The following TRIM71 variants were observed in gnomAD, a reference collection of about 807,000 sequenced individuals.
TRIM71 encodes the protein E3 ubiquitin-protein ligase TRIM71.
TRIM71 carries 9 observed loss-of-function variants against 61.2 expected under a neutral mutation model. That is an observed-to-expected ratio of 0.15 (90% CI 0.09 to 0.26). TRIM71 has a LOEUF of 0.26. Among genes scored for constraint, TRIM71 ranks in the 10% least tolerant of loss-of-function variants. The probability of loss-of-function intolerance (pLI) is 1.00; values close to 1 mark genes in which losing one functional copy is unlikely to be tolerated. For synonymous variants in TRIM71, 645 were observed against 553.2 expected (o/e 1.17, Z -2.33); for missense variants, 998 against 1,238.7 (o/e 0.81, Z 2.92).
chr3:32,833,840 T>A (rs1165267271), intron 1 of TRIM71, among the ~76,000 whole-genome samples: 1 of 152,132 alleles, frequency 6.6e-6, no homozygotes. Flanking sequence ...GCATGGGGGC[T>A]AATGGGAGCA....
chr3:32,836,456 T>C (rs934105846), intron 1 of TRIM71, among the ~76,000 whole-genome samples: 1 of 151,840 alleles, frequency 6.6e-6, no homozygotes, highest in African/African-American at 2.4e-5. Flanking sequence ...ACTAGTTGTG[T>C]GTTACAAAGG....
chr3:32,891,653 C>A lies in TRIM71; in HGVS notation c.2449C>A (p.Arg817=). 1.9e-6 allele frequency: 3 copies of A among 1,613,486 alleles called. No homozygotes were observed. Among genetic ancestry groups the A allele is most frequent in the Non-Finnish European group, 2.5e-6 (3 of 1,179,634 alleles). ...CATTGTGGCGGATTCCAGGAACCAT[C>A]GGGTACAGATGTTTGAATCCAACGG... ...RIIVADSRNH[R]VQMFESNGSF... The change falls in exon 4 of 4, where the codon CGG becomes AGG. Residue 817 remains arginine, a synonymous_variant. Transcript: ENST00000383763. The surrounding 1 kb of genome is among the most constrained non-coding windows in gnomAD (Gnocchi z 8.2).
intron 1 of TRIM71, among the ~76,000 whole-genome samples, chr3:32,820,756 A>G (rs943221819): frequency 2.0e-5 from 3 of 152,208 alleles, no homozygotes; most frequent in Admixed American, 2.0e-4. Flanking sequence ...AAACCCTTCA[A>G]ACTGCATTGG....
At position 32,891,491 on chromosome 3, in the gene TRIM71, G is replaced by A; in HGVS notation, c.2287G>A (p.Val763Ile). 1 of 1,613,596 alleles carries A rather than the reference G, an allele frequency of 6.2e-7. No homozygotes were observed. The highest frequency in any genetic ancestry group is 1.1e-5 in the South Asian group (1 of 91,042). The change falls in exon 4 of 4, where the codon GTC becomes ATC. Residue 763 changes from valine to isoleucine, a missense_variant. Around this residue, in one of 5 missense-constraint regions of TRIM71, gnomAD observed 95 missense variants for 159.0 expected, o/e 0.60. Transcript: ENST00000383763. This position sits in a 1 kb window ranked among gnomAD's most constrained non-coding sequence, Gnocchi z 8.2. ...CTTCAACCATGAGGGCCACTTGGTGGTCACTGACTTCAACAACCACCGGCT... is the reference window on the plus strand; with the variant it reads ...CTTCAACCATGAGGGCCACTTGGTGATCACTGACTTCAACAACCACCGGCT... ...VAFNHEGHLV[V>I]TDFNNHRLLV...
At chr3:32,853,962 C>G (rs956010136) in intron 1 of TRIM71, among the ~76,000 whole-genome samples, 1 of 152,014 alleles carries the variant, frequency 6.6e-6, no homozygotes, top group Non-Finnish European at 1.5e-5. Context: ...TGAGACCACG[C>G]CACTGCACTC....
At chr3:32,839,054 G>A (rs1185244117) in intron 1 of TRIM71, among the ~76,000 whole-genome samples, 1 of 151,916 alleles carries the variant, frequency 6.6e-6, no homozygotes, top group African/African-American at 2.4e-5. Context: ...GTCCGCCTTG[G>A]CCTCTGGGAT....
intron 1 of TRIM71, among the ~76,000 whole-genome samples, chr3:32,872,342 G>A (rs1028795987): frequency 6.6e-6 from 1 of 152,084 alleles, no homozygotes; most frequent in African/African-American, 2.4e-5. Context: ...CCCGAGTGGA[G>A]TAACTTCTGT....
chr3:32,887,097 T>C (rs1696969478), intron 3 of TRIM71, among the ~76,000 whole-genome samples: 1 of 152,198 alleles, frequency 6.6e-6, no homozygotes, highest in South Asian at 2.1e-4. Context: ...ATGTTAATTA[T>C]AACTGAGGGG....
chr3:32,818,044 C>T lies in TRIM71; in HGVS notation c.-37C>T, dbSNP rs750966768. 31 of 1,596,506 alleles carry T rather than the reference C, an allele frequency of 1.9e-5. No homozygotes were observed. In the South Asian group the frequency reaches 2.3e-4, roughly 12 times the overall value. On this transcript the variant is annotated 5_prime_UTR_variant, in exon 1 of 4. Coordinates refer to ENST00000383763, the MANE Select transcript of TRIM71 (RefSeq NM_001039111.3). ...CTCTCTCCTCCTCCTCCTCCTCTTC[C>T]TCTCTGGTCTCCTCCCTCCTCCGGG...
intron 1 of TRIM71, among the ~76,000 whole-genome samples, chr3:32,820,266 A>G (rs1696113110): frequency 6.6e-6 from 1 of 152,182 alleles, no homozygotes; most frequent in African/African-American, 2.4e-5. Flanking sequence ...CTAACCTGTT[A>G]TTTGGGGAGG....
chr3:32,871,873 T>G (rs896806883), intron 1 of TRIM71, among the ~76,000 whole-genome samples: 8 of 152,180 alleles, frequency 5.3e-5, no homozygotes, highest in Non-Finnish European at 2.9e-5. Flanking sequence ...GCCGGGTGCG[T>G]TGGCTCACGC....
chr3:32,872,734 C>G (rs1696809517), intron 1 of TRIM71, among the ~76,000 whole-genome samples: 1 of 152,184 alleles, frequency 6.6e-6, no homozygotes, highest in Non-Finnish European at 1.5e-5. Flanking sequence ...ATGCTGGCTT[C>G]CCTGCTGTGT....
chr3:32,822,520 TGA>T (rs1696146589), intron 1 of TRIM71, among the ~76,000 whole-genome samples: 1 of 152,192 alleles, frequency 6.6e-6, no homozygotes. Flanking sequence ...GGTTGCTGTG[TGA>T]ATTTGTTTTG....
At chr3:32,832,853 G>A (rs1296798691) in intron 1 of TRIM71, among the ~76,000 whole-genome samples, 4 of 152,028 alleles carry the variant, frequency 2.6e-5, no homozygotes, top group African/African-American at 7.2e-5. Flanking sequence ...AGGGGCCAGA[G>A]CCACATTAAT....
intron 2 of TRIM71, 74 bp downstream of exon 2, chr3:32,874,059 A>T: frequency 6.8e-7 from 1 of 1,475,492 alleles, no homozygotes; most frequent in Non-Finnish European, 9.1e-7. Context: ...ATGGACAGAC[A>T]ATTGGGCAGA....
chr3:32,885,318 A>C (rs1696948362), intron 2 of TRIM71, among the ~76,000 whole-genome samples: 1 of 152,234 alleles, frequency 6.6e-6, no homozygotes, highest in African/African-American at 2.4e-5. Flanking sequence ...TGGCTGATTT[A>C]CTACGGCTGG....
In TRIM71 at chr3:32,890,338, C is replaced by G. The variant is rs767568369; in HGVS notation, c.1156-22C>G. 1 of 1,598,694 alleles carries G rather than the reference C, an allele frequency of 6.3e-7. No individual in the cohort carries two copies. The highest frequency in any genetic ancestry group is 1.3e-5 in the African/African-American group (1 of 74,784). On this transcript the variant is annotated intron_variant, in intron 3 of 3. Transcript: ENST00000383763. This position sits in a 1 kb window ranked among gnomAD's most constrained non-coding sequence, Gnocchi z 6.2. ...TGGCTCTAAGCCTCTGTGTCTTTCT[C>G]CACTCTTGCTTTTCCCTCCAGGTAG...
intron 1 of TRIM71, among the ~76,000 whole-genome samples, chr3:32,837,843 ATGGCATTT>A (rs1696353494): frequency 6.6e-6 from 1 of 152,086 alleles, no homozygotes; most frequent in African/African-American, 2.4e-5. Flanking sequence ...CTTTACCTCT[ATGGCATTT>A]AGCTTCTGAG....
chr3:32,842,771 C>T (rs181019468), intron 1 of TRIM71, among the ~76,000 whole-genome samples: 10 of 152,158 alleles, frequency 6.6e-5, no homozygotes, highest in Admixed American at 6.5e-4. Flanking sequence ...ATCTCCCCAC[C>T]CCCACCCAAG....
Sources: gnomAD v4.1 joint callset for allele counts (sites outside exome capture counted in the v4.1 genomes callset) on GRCh38, gnomAD v4.1.1 for gene constraint, gnomAD v4.1.1 regional missense constraint, Gnocchi (gnomAD v3.1) non-coding constraint, MANE v1.5 for transcripts, NCBI Gene and HGNC (gene_info 2026-07-23, HGNC 2026-07-21) for gene names.